PCDHGA6: variants seen among roughly 807,000 people sequenced by gnomAD.
PCDHGA6 encodes protocadherin gamma subfamily A, 6.
In PCDHGA6, 41 loss-of-function variants were observed where a neutral mutation model predicts 60.6. The ratio of observed to expected loss-of-function variants is 0.68; its 90% CI spans 0.53 to 0.88. The LOEUF (loss-of-function observed/expected upper bound fraction) is 0.88. PCDHGA6 is among the 40% of genes least tolerant of loss of function. PCDHGA6 has a pLI of 0.00. For synonymous variants in PCDHGA6, 594 were observed against 524.4 expected (o/e 1.13, Z -1.81); for missense variants, 1,312 against 1,203.0 (o/e 1.09, Z -1.34).
chr5:141,510,854 T>A, intron 3 of PCDHGA6, 93 bp from the exon 4 acceptor site: 1 of 1,602,320 alleles, frequency 6.2e-7, no homozygotes, highest in East Asian at 2.2e-5. Context: ...CCCAGGGTGC[T>A]GTATAGGCAT....
chr5:141,373,926 G>A lies in PCDHGA6; in HGVS notation c.-158G>A. 1.5e-6 allele frequency: 1 copy of A among 662,052 alleles called. No homozygotes were observed. The highest frequency in any genetic ancestry group is 2.3e-6 in the Non-Finnish European group (1 of 426,220). 41.0% of individuals were successfully genotyped at this position (662,052 alleles called of 1,614,324 possible). A position where few individuals can be genotyped will look rare whatever the true frequency, so the allele number is the denominator to read the frequency against. ...CTCCAACAACAAAGCAAATTAGACGGGAAAGCAGGAAAGCTGTGCAGAAAT... is the reference window on the plus strand; with the variant it reads ...CTCCAACAACAAAGCAAATTAGACGAGAAAGCAGGAAAGCTGTGCAGAAAT... On this transcript the variant is annotated 5_prime_UTR_variant, in exon 1 of 4. Transcript: ENST00000517434.
chr5:141,392,713 G>A, intron 1 of PCDHGA6: 3 of 1,363,444 alleles, frequency 2.2e-6, no homozygotes, highest in Non-Finnish European at 2.9e-6. Context: ...AGGCACTCCA[G>A]GTTTCCGGAG....
chr5:141,494,115 GC>G (rs1445167222), intron 1 of PCDHGA6, among the ~76,000 whole-genome samples: 1 of 152,186 alleles, frequency 6.6e-6, no homozygotes, highest in African/African-American at 2.4e-5. Context: ...AGACAGAGCA[GC>G]CTTGTTCTCT....
At chr5:141,407,963 G>T (rs2095010709) in intron 1 of PCDHGA6, 1 of 681,746 alleles carries the variant, frequency 1.5e-6, no homozygotes, top group Admixed American at 3.5e-5. Context: ...TGCAGAGCAA[G>T]CGCTGACGCC....
chr5:141,380,299 C>G (rs1776363020), intron 1 of PCDHGA6, among the ~76,000 whole-genome samples: 2 of 152,210 alleles, frequency 1.3e-5, no homozygotes, highest in Middle Eastern at 3.4e-3. Flanking sequence ...ATACCTATAT[C>G]TTTGCTTGAG....
chr5:141,420,956 T>C lies in PCDHGA6; in HGVS notation c.2424+44449T>C, dbSNP rs17097281. 2.2e-3 allele frequency: 904 copies of C among 416,864 alleles called. 5 individuals carry two copies. The highest frequency in any genetic ancestry group is 0.016 in the African/African-American group (760 of 48,560). 25.8% of individuals were successfully genotyped at this position (416,864 alleles called of 1,614,324 possible). A position where few individuals can be genotyped will look rare whatever the true frequency, so the allele number is the denominator to read the frequency against. Reference sequence around the variant, plus strand: ...AATCATTTCTTCTGGAATTTCTTAGTCGTTGCAATAATAAGAATGGGCTCT... The same window carrying C: ...AATCATTTCTTCTGGAATTTCTTAGCCGTTGCAATAATAAGAATGGGCTCT... On this transcript the variant is annotated intron_variant, in intron 1 of 3. Coordinates refer to ENST00000517434, the MANE Select transcript of PCDHGA6 (RefSeq NM_018919.3).
rs759642890 is a variant in PCDHGA6 at position 141,389,812 on chromosome 5, C to A, written c.2424+13305C>A. ...GCCGTCCGCCAGCGCCTTCTGGTCG[C>A]CGTGCGTGACGGTGGACAGCCACCA... On this transcript the variant is annotated intron_variant, in intron 1 of 3. Transcript: ENST00000517434. 6.8e-6 allele frequency: 11 copies of A among 1,613,768 alleles called. No individual in the cohort carries two copies. The South Asian group carries it at 1.2e-4, about 18-fold the overall frequency.
chr5:141,435,409 G>A (rs1387678336), intron 1 of PCDHGA6, among the ~76,000 whole-genome samples: 1 of 152,066 alleles, frequency 6.6e-6, no homozygotes, highest in African/African-American at 2.4e-5. Context: ...AAATGGTAAA[G>A]ACTATTTTTC....
At position 141,430,974 on chromosome 5, in the gene PCDHGA6, C is replaced by T. The variant is rs141488923; in HGVS notation, c.2424+54467C>T. The T allele has an allele frequency of 7.0e-4, 1,130 of 1,613,070 alleles. 8 individuals carry two copies. In the African/African-American group the frequency reaches 0.014, roughly 19 times the overall value. On this transcript the variant is annotated intron_variant, in intron 1 of 3. Transcript: ENST00000517434. ...GTCCGCATCATCCCCAGAGGTAGGA[C>T]GCAGCTTTTCGCCCTGAATCCGCGC...
intron 1 of PCDHGA6, chr5:141,468,330 C>CAAAAAA (rs533390277): frequency 1.3e-5 from 1 of 79,878 alleles, no homozygotes. Context: ...AACTCCATCT[C>CAAAAAA]AAAAAAAAAA....
intron 1 of PCDHGA6, chr5:141,415,426 C>T: frequency 6.2e-7 from 1 of 1,614,194 alleles, no homozygotes; most frequent in Non-Finnish European, 8.5e-7. Flanking sequence ...GGACGGGGTT[C>T]GGGCTTTCCT....
chr5:141,405,260 T>A, intron 1 of PCDHGA6: 1 of 1,614,140 alleles, frequency 6.2e-7, no homozygotes, highest in South Asian at 1.1e-5. Flanking sequence ...TCACCTGATC[T>A]TCCCCCAGCC....
chr5:141,491,602 A>T lies in PCDHGA6; in HGVS notation c.2425-3205A>T. On this transcript the variant is annotated intron_variant, in intron 1 of 3. Transcript: ENST00000517434. The surrounding 1 kb of genome is among the most constrained non-coding windows in gnomAD (Gnocchi z 6.9). ...ACCGGCCTCGGACGGCAGTGACTTC[A>T]CTTTTCTAAGACCCCTCAGCGTTCA... is the stretch of plus-strand genomic sequence containing the variant. The T allele has an allele frequency of 6.2e-7, 1 of 1,613,838 alleles. No individual in the cohort carries two copies. Among genetic ancestry groups the T allele is most frequent in the Non-Finnish European group, 8.5e-7 (1 of 1,180,016 alleles).
intron 1 of PCDHGA6, chr5:141,394,026 G>A (rs745343207): frequency 6.2e-7 from 1 of 1,613,494 alleles, no homozygotes; most frequent in Admixed American, 1.7e-5. Context: ...TTATAGATTA[G>A]TGACAAGGAA....
intron 1 of PCDHGA6, among the ~76,000 whole-genome samples, chr5:141,446,473 G>C (rs558209769): frequency 2.0e-4 from 29 of 148,138 alleles, no homozygotes; most frequent in Non-Finnish European, 1.5e-4. Context: ...TAGACATATG[G>C]TCATCATTCT....
rs761492460 is a variant in PCDHGA6, at chr5:141,389,630, T to C, written c.2424+13123T>C. The C allele has an allele frequency of 9.9e-6, 16 of 1,612,872 alleles. No homozygotes were observed. The Admixed American group carries it at 1.8e-4, about 18-fold the overall frequency. ...ATATGGTGCCGCACGCTGCAGAGCC[T>C]GGCTACTTGGTGACCAAGGTAGTGG... On this transcript the variant is annotated intron_variant, in intron 1 of 3. Coordinates refer to ENST00000517434, the MANE Select transcript of PCDHGA6 (RefSeq NM_018919.3).
intron 2 of PCDHGA6, among the ~76,000 whole-genome samples, chr5:141,496,189 G>A (rs1362938002): frequency 1.3e-5 from 2 of 152,004 alleles, no homozygotes; most frequent in Admixed American, 6.6e-5. Flanking sequence ...AGCCCCAGCT[G>A]CTCATTTCAA....
chr5:141,465,348 A>G (rs886810999), intron 1 of PCDHGA6, among the ~76,000 whole-genome samples: 2 of 152,158 alleles, frequency 1.3e-5, no homozygotes, highest in African/African-American at 4.8e-5. Flanking sequence ...GTTACTGAAG[A>G]AAAAATGGGT....
chr5:141,385,219 A>C, intron 1 of PCDHGA6: 1 of 1,614,236 alleles, frequency 6.2e-7, no homozygotes, highest in Non-Finnish European at 8.5e-7. Flanking sequence ...CCCCCAGCCC[A>C]ACTATGTAGA....
Sources: gnomAD v4.1 joint callset for allele counts (sites outside exome capture counted in the v4.1 genomes callset) on GRCh38, gnomAD v4.1.1 for gene constraint, Gnocchi (gnomAD v3.1) non-coding constraint, MANE v1.5 for transcripts, NCBI Gene and HGNC (gene_info 2026-07-23, HGNC 2026-07-21) for gene names.